TLK1: variants seen among roughly 807,000 people sequenced by gnomAD.
TLK1 encodes the protein tousled like kinase 1.
In TLK1, 24 loss-of-function variants were observed where a neutral mutation model predicts 105.3. That is an observed-to-expected ratio of 0.23 (90% CI 0.17 to 0.32). TLK1 has a LOEUF of 0.32. TLK1 is among the 10% of genes least tolerant of loss of function. The pLI, the probability that TLK1 is intolerant of heterozygous loss-of-function variation, is 1.00. For synonymous variants in TLK1, 321 were observed against 310.4 expected (o/e 1.03, Z -0.36); for missense variants, 558 against 910.5 (o/e 0.61, Z 4.98).
chr2:171,187,078 A>AAG (rs1553487655), intron 1 of TLK1, among the ~76,000 whole-genome samples: 2 of 127,316 alleles, frequency 1.6e-5, no homozygotes, highest in African/African-American at 7.2e-5. Context: ...AAAAAAAAAA[A>AAG]AAAAAGAAAA....
Position 171,160,336 on chromosome 2 carries a change from GGCC to G in TLK1, c.90_92del (p.Ala31del), listed in dbSNP as rs759104139. On this transcript the variant is annotated inframe_deletion, in exon 1 of 21. Coordinates refer to ENST00000431350, the MANE Select transcript of TLK1 (RefSeq NM_012290.5). The surrounding 1 kb of genome is among the most constrained non-coding windows in gnomAD (Gnocchi z 4.4). ...GCGGCGTGTGATTCAGCAGGGACCTGGCCGCCGCCGCCGAGCCCGGGGTTGGAG... is the reference window on the plus strand; with the variant it reads ...GCGGCGTGTGATTCAGCAGGGACCTGGCCGCCGCCGAGCCCGGGGTTGGAG... 4.4e-6 allele frequency: 7 copies of G among 1,603,910 alleles called. No individual in the cohort carries two copies. The highest frequency in any genetic ancestry group is 4.6e-5 in the East Asian group (2 of 43,162).
chr2:171,215,779 C>T (rs766959987), intron 1 of TLK1, among the ~76,000 whole-genome samples: 19 of 152,160 alleles, frequency 1.2e-4, no homozygotes, highest in Non-Finnish European at 2.2e-4. Context: ...TGAGCAGCTG[C>T]CCACTCCTCG....
chr2:170,995,498 T>A (rs1290289080), intron 20 of TLK1, among the ~76,000 whole-genome samples: 1 of 152,116 alleles, frequency 6.6e-6, no homozygotes, highest in Non-Finnish European at 1.5e-5. Flanking sequence ...AGACTTTGCC[T>A]TTGGCAACTC....
chr2:171,025,592 GTATATTT>G (rs961339784), intron 12 of TLK1, among the ~76,000 whole-genome samples: 25 of 152,288 alleles, frequency 1.6e-4, no homozygotes, highest in Admixed American at 1.4e-3. Context: ...GGTAGAAGCT[GTATATTT>G]ACAAGTCGGG....
At chr2:171,096,603 C>A (rs1029113583) in intron 2 of TLK1, among the ~76,000 whole-genome samples, 2 of 151,682 alleles carry the variant, frequency 1.3e-5, no homozygotes, top group African/African-American at 2.4e-5. Flanking sequence ...CCAAAAAATA[C>A]AAAAATTAGC....
rs536929316 is a variant in TLK1, at chr2:171,160,609, G to A, written c.-181C>T. On this transcript the variant is annotated 5_prime_UTR_variant, in exon 1 of 21. Coordinates refer to ENST00000431350, the MANE Select transcript of TLK1 (RefSeq NM_012290.5). This position sits in a 1 kb window ranked among gnomAD's most constrained non-coding sequence, Gnocchi z 4.4. The stretch of plus-strand genomic sequence containing the variant: ...AAGAGGGGAGGTGGGGAGGAAAGAG[G>A]TGAGGGAAGGAGAGGGGACAGGGAG... 8.3e-6 allele frequency: 8 copies of A among 969,174 alleles called. No individual in the cohort carries two copies. The highest frequency in any genetic ancestry group is 5.2e-5 in the African/African-American group (3 of 58,224). The allele number at this position is 969,174 out of a possible 1,614,324, so 60.0% of individuals were successfully genotyped here.
chr2:171,093,293 T>A (rs1436817116), intron 2 of TLK1, among the ~76,000 whole-genome samples: 1 of 152,166 alleles, frequency 6.6e-6, no homozygotes, highest in Non-Finnish European at 1.5e-5. Flanking sequence ...AAAAATTTTG[T>A]CTAGGTACAC....
intron 1 of TLK1, among the ~76,000 whole-genome samples, chr2:171,196,008 A>T (rs1336132849): frequency 7.4e-6 from 1 of 135,916 alleles, no homozygotes. Flanking sequence ...AGTGCACTCC[A>T]GCCTGAGTAA....
At chr2:171,162,396 G>A (rs548740280), upstream of TLK1, among the ~76,000 whole-genome samples, 1 of 152,236 alleles carries the variant, frequency 6.6e-6, no homozygotes, top group East Asian at 1.9e-4. Flanking sequence ...AAATTAGCCG[G>A]GTGTAGCGGC....
chr2:171,065,577 G>A (rs947180639), intron 3 of TLK1, among the ~76,000 whole-genome samples: 4 of 148,610 alleles, frequency 2.7e-5, no homozygotes, highest in South Asian at 2.1e-4. Flanking sequence ...TCGCTCTGTC[G>A]CCCAGGCTGG....
chr2:171,213,191 TTTTTC>T (rs1204821173), intron 1 of TLK1, among the ~76,000 whole-genome samples: 23 of 150,602 alleles, frequency 1.5e-4, no homozygotes, highest in African/African-American at 3.6e-4. Context: ...CATATCTTTC[TTTTTC>T]TTTTCTTTTC....
chr2:171,027,339 T>A (rs1326523951), intron 12 of TLK1, among the ~76,000 whole-genome samples: 5 of 152,172 alleles, frequency 3.3e-5, no homozygotes, highest in Admixed American at 6.5e-5. Flanking sequence ...TTTATGTCTG[T>A]CAGTAACTTA....
chr2:171,024,500 C>T (rs1685683218), intron 12 of TLK1, among the ~76,000 whole-genome samples: 1 of 152,126 alleles, frequency 6.6e-6, no homozygotes, highest in Non-Finnish European at 1.5e-5. Flanking sequence ...TCCCGCCACA[C>T]ACCAAAAGAA....
At chr2:171,118,764 T>G (rs956724099) in intron 1 of TLK1, among the ~76,000 whole-genome samples, 17 of 152,194 alleles carry the variant, frequency 1.1e-4, no homozygotes, top group Non-Finnish European at 1.5e-4. Context: ...CCAGAATGAC[T>G]TGGGGAACAT....
intron 11 of TLK1, 31 bp from the exon 12 acceptor site, chr2:171,028,436 T>C (rs866342300): frequency 1.5e-6 from 2 of 1,370,924 alleles, no homozygotes; most frequent in Middle Eastern, 1.8e-4. Flanking sequence ...ATTCTACATA[T>C]TGAGATTAAT....
At chr2:171,028,218 A>G (rs1351388303) in intron 12 of TLK1, 121 bp downstream of exon 12, 1 of 706,634 alleles carries the variant, frequency 1.4e-6, no homozygotes, top group Admixed American at 2.7e-5. Flanking sequence ...TTAATCTGAA[A>G]TTTTTAATTT....
At chr2:171,219,257 C>T (rs553618141) in intron 1 of TLK1, among the ~76,000 whole-genome samples, 2 of 152,282 alleles carry the variant, frequency 1.3e-5, no homozygotes, top group African/African-American at 4.8e-5. Flanking sequence ...AGAGTTCATT[C>T]CTTGCCTCTT....
intron 2 of TLK1, among the ~76,000 whole-genome samples, chr2:171,107,611 T>C (rs1284589339): frequency 2.6e-5 from 4 of 152,174 alleles, no homozygotes; most frequent in East Asian, 1.9e-4. Flanking sequence ...TCATATTCAA[T>C]GCAGAAAAGG....
chr2:171,014,997 TA>T (rs1189106702), intron 12 of TLK1, 49 bp from the exon 13 acceptor site: 1 of 1,381,546 alleles, frequency 7.2e-7, no homozygotes, highest in Admixed American at 1.8e-5. Flanking sequence ...ATTTGCGATA[TA>T]AAAAAGATAT....
Sources: gnomAD v4.1 joint callset for allele counts (sites outside exome capture counted in the v4.1 genomes callset) on GRCh38, gnomAD v4.1.1 for gene constraint, Gnocchi (gnomAD v3.1) non-coding constraint, MANE v1.5 for transcripts, NCBI Gene and HGNC (gene_info 2026-07-23, HGNC 2026-07-21) for gene names.